FOXP2: variants seen among roughly 807,000 people sequenced by gnomAD.
The protein encoded by FOXP2 is forkhead box protein P2.
FOXP2 carries 12 observed loss-of-function variants against 115.8 expected under a neutral mutation model. The observed-to-expected ratio is 0.10, with a 90% CI of 0.07 to 0.17. FOXP2 has a LOEUF of 0.17. FOXP2 is among the 10% of genes least tolerant of loss of function. FOXP2 has a pLI of 1.00. For missense variants in FOXP2, 629 were observed against 843.5 expected, an observed-to-expected ratio of 0.75 and a Z score of 3.15; for synonymous variants, 328 against 297.7, an observed-to-expected ratio of 1.10 and a Z score of -1.05.
In FOXP2 at chr7:114,691,667, C is replaced by A. The variant is rs1388410326; in HGVS notation, c.*1741C>A. The A allele has an allele frequency of 8.6e-5, 39 of 453,892 alleles. No individual in the cohort carries two copies. The Admixed American group carries it at 9.2e-4, about 11-fold the overall frequency. The allele number at this position is 453,892 out of a possible 1,614,324, so 28.1% of individuals were successfully genotyped here. A position where few individuals can be genotyped will look rare whatever the true frequency, so the allele number is the denominator to read the frequency against. ...TCTTGATAATACTTTTTCCCCCAAC[C>A]AAGGGACCTCATAACCTGATTATGG... On this transcript the variant is annotated 3_prime_UTR_variant, in exon 17 of 17. Transcript: ENST00000350908.
chr7:114,187,356 A>T (rs1003773856), intron 1 of FOXP2, among the ~76,000 whole-genome samples: 1 of 152,204 alleles, frequency 6.6e-6, no homozygotes, highest in Admixed American at 6.5e-5. Context: ...ATTGCTTTTA[A>T]GTTCTGCCCT....
chr7:114,414,889 C>G lies in FOXP2; in HGVS notation c.-482C>G, dbSNP rs1480630046. ...TGTCTCTCTCTCTCTGTCTTTCTCT[C>G]TCTCACACACACACTCACACACTCA... is the stretch of plus-strand genomic sequence containing the variant. On this transcript the variant is annotated 5_prime_UTR_variant, in exon 1 of 17. Coordinates refer to ENST00000350908, the MANE Select transcript of FOXP2 (RefSeq NM_014491.4). The G allele has an allele frequency of 2.9e-6, 1 of 349,194 alleles. No homozygotes were observed. The highest frequency in any genetic ancestry group is 2.2e-5 in the African/African-American group (1 of 46,434). The allele number at this position is 349,194 out of a possible 1,614,324, so 21.6% of individuals were successfully genotyped here.
At chr7:114,499,632 C>T (rs1797474694) in intron 2 of FOXP2, 1 of 152,130 alleles carries the variant, frequency 6.6e-6, no homozygotes, top group Non-Finnish European at 1.5e-5. Context: ...ATTTGTGGCT[C>T]ACCTCTAGCA....
At position 114,389,634 on chromosome 7, in the gene FOXP2, G is replaced by T. The variant is rs183445682; in HGVS notation, c.-10-36868G>T. On this transcript the variant is annotated intron_variant, in intron 2 of 17. Coordinates refer to the FOXP2 transcript ENST00000634411. ...ATTGTGTCCAAACCTCAAATTGCAG[G>T]ATGAAGATGATTTTGGTTAGATGAA... 5.3e-5 allele frequency among the ~76,000 whole-genome samples: 8 copies of T among 152,242 alleles called. No individual in the cohort carries two copies. The Middle Eastern group carries it at 0.01, about 194-fold the overall frequency.
intron 3 of FOXP2, among the ~76,000 whole-genome samples, chr7:114,613,042 G>T (rs1420550445): frequency 6.6e-6 from 1 of 152,084 alleles, no homozygotes; most frequent in Non-Finnish European, 1.5e-5. Flanking sequence ...ACTTAAATCT[G>T]GTGAGAAGTA....
chr7:114,305,630 C>T (rs1300431029), intron 2 of FOXP2, among the ~76,000 whole-genome samples: 10 of 152,102 alleles, frequency 6.6e-5, no homozygotes, highest in East Asian at 1.9e-4. Flanking sequence ...GGAAATTGTA[C>T]GGTAAGAAGT....
At chr7:114,454,690 TA>T (rs1466370855) in intron 2 of FOXP2, among the ~76,000 whole-genome samples, 1 of 128,292 alleles carries the variant, frequency 7.8e-6, no homozygotes, top group Non-Finnish European at 1.6e-5. Flanking sequence ...TATGCAGCCA[TA>T]AAAAATGATG....
upstream of FOXP2, among the ~76,000 whole-genome samples, chr7:114,413,444 T>C (rs1018683708): frequency 2.0e-5 from 3 of 152,124 alleles, no homozygotes; most frequent in Non-Finnish European, 4.4e-5. Context: ...TACTTGCCTA[T>C]TGCATGAGTT....
chr7:114,478,981 A>G (rs1466163460), intron 2 of FOXP2, among the ~76,000 whole-genome samples: 2 of 151,558 alleles, frequency 1.3e-5, no homozygotes, highest in African/African-American at 4.8e-5. Flanking sequence ...ATTAGAAACA[A>G]GAAATAAAGG....
chr7:114,508,031 G>A (rs191196045), intron 2 of FOXP2, among the ~76,000 whole-genome samples: 4 of 152,048 alleles, frequency 2.6e-5, no homozygotes, highest in Admixed American at 2.6e-4. Flanking sequence ...TGTCCTAGGT[G>A]ATAGAAATGC....
At chr7:114,484,964 A>G (rs1554403169) in intron 2 of FOXP2, among the ~76,000 whole-genome samples, 1 of 151,904 alleles carries the variant, frequency 6.6e-6, no homozygotes, top group Non-Finnish European at 1.5e-5. Context: ...GATTTAAATA[A>G]ATATGTAGTT....
intron 2 of FOXP2, among the ~76,000 whole-genome samples, chr7:114,398,258 G>A: frequency 6.6e-6 from 1 of 152,014 alleles, no homozygotes. Context: ...TGCAATTATA[G>A]CCATCTAAAA....
At chr7:114,543,698 A>G (rs577598175) in intron 3 of FOXP2, among the ~76,000 whole-genome samples, 2 of 152,314 alleles carry the variant, frequency 1.3e-5, no homozygotes, top group South Asian at 4.1e-4. Context: ...TAGCTACTTG[A>G]TTGTTTCATG....
intron 3 of FOXP2, among the ~76,000 whole-genome samples, chr7:114,598,458 C>G (rs534231710): frequency 6.6e-6 from 1 of 152,038 alleles, no homozygotes; most frequent in Non-Finnish European, 1.5e-5. Flanking sequence ...TTTTGCTCAG[C>G]GTAGAGTGGA....
intron 1 of FOXP2, among the ~76,000 whole-genome samples, chr7:114,270,811 A>T (rs1796015654): frequency 1.3e-5 from 2 of 152,074 alleles, no homozygotes; most frequent in Admixed American, 1.3e-4. Flanking sequence ...AGAAGTTTTC[A>T]GTTTTAATGA....
chr7:114,089,948 A>G (rs933965027), intron 1 of FOXP2, among the ~76,000 whole-genome samples: 2 of 152,008 alleles, frequency 1.3e-5, no homozygotes, highest in Non-Finnish European at 2.9e-5. Context: ...ATGTAGCCAG[A>G]GAAATTATTT....
intron 1 of FOXP2, among the ~76,000 whole-genome samples, chr7:114,118,549 A>G (rs1167737950): frequency 6.6e-6 from 1 of 151,944 alleles, no homozygotes; most frequent in Non-Finnish European, 1.5e-5. Flanking sequence ...AATTTAATAG[A>G]GATGAATGTA....
intron 3 of FOXP2, among the ~76,000 whole-genome samples, chr7:114,587,061 T>TTG (rs1486176519): frequency 2.8e-5 from 4 of 144,250 alleles, no homozygotes; most frequent in South Asian, 2.2e-4. Flanking sequence ...TGCTATTTCT[T>TTG]TTTTTTTTTT....
chr7:114,675,364 T>G (rs186116756), intron 16 of FOXP2, among the ~76,000 whole-genome samples: 3 of 152,268 alleles, frequency 2.0e-5, no homozygotes, highest in African/African-American at 7.2e-5. Flanking sequence ...AGATTATATT[T>G]TCCAATATGT....
Sources: gnomAD v4.1 joint callset for allele counts (sites outside exome capture counted in the v4.1 genomes callset) on GRCh38, gnomAD v4.1.1 for gene constraint, MANE v1.5 for transcripts, NCBI Gene and HGNC (gene_info 2026-07-23, HGNC 2026-07-21) for gene names.